The following ATP2A2 variants were observed in gnomAD, a reference collection of about 807,000 sequenced individuals.
The protein encoded by ATP2A2 is ATPase sarcoplasmic/endoplasmic reticulum Ca2+ transporting 2.
Under a neutral mutation model 109.3 loss-of-function variants are expected in ATP2A2, and 14 were observed. That is an observed-to-expected ratio of 0.13 (90% CI 0.08 to 0.20). The LOEUF (loss-of-function observed/expected upper bound fraction) is 0.20, where lower values mean the gene tolerates loss of function less well. Among genes scored for constraint, ATP2A2 ranks in the 10% least tolerant of loss-of-function variants. The pLI is 1.00. For synonymous variants in ATP2A2, 506 were observed against 490.9 expected, an observed-to-expected ratio of 1.03 and a Z score of -0.41; for missense variants, 657 against 1,321.6, an observed-to-expected ratio of 0.50 and a Z score of 7.80.
rs527779971 is a variant in ATP2A2 at position 110,342,399 on chromosome 12, A to C, written c.2269A>C (p.Lys757Gln). The stretch of plus-strand genomic sequence containing the variant: ...GGGGCGGGCAATCTACAACAACATG[A>C]AACAGTTCATCCGCTACCTCATCTC... ...EEGRAIYNNM[K>Q]QFIRYLISSN... The change falls in exon 15 of 20, where the codon AAA becomes CAA. Residue 757 changes from lysine to glutamine, a missense_variant. By Grantham distance (53) the Lys-to-Gln change is moderately conservative. Transcript: ENST00000539276. The surrounding 1 kb of genome is among the most constrained non-coding windows in gnomAD (Gnocchi z 4.6). 6.2e-7 allele frequency: 1 copy of C among 1,614,080 alleles called. No homozygotes were observed. The highest frequency in any genetic ancestry group is 1.1e-5 in the South Asian group (1 of 91,078).
intron 4 of ATP2A2, 173 bp from the exon 5 acceptor site, chr12:110,296,426 A>C: frequency 2.3e-6 from 2 of 874,150 alleles, no homozygotes; most frequent in Non-Finnish European, 3.6e-6. Flanking sequence ...TTTTAATACA[A>C]ATTAATAAAT....
At position 110,292,170 on chromosome 12, in the gene ATP2A2, G is replaced by A. The variant is rs778766673; in HGVS notation, c.324+46G>A. ...TGCAAAATTTCAATAAGTTATGTAA[G>A]TGATTAGGGCTGTATTAATCTTTCT... On this transcript the variant is annotated intron_variant, in intron 4 of 19. Transcript: ENST00000539276. The A allele has an allele frequency of 1.2e-5, 16 of 1,309,176 alleles. No individual in the cohort carries two copies. In the South Asian group the frequency reaches 1.8e-4, roughly 14 times the overall value. 81.1% of individuals were successfully genotyped at this position (1,309,176 alleles called of 1,614,324 possible).
At chr12:110,282,538 G>A in intron 1 of ATP2A2, 66 bp from the exon 2 acceptor site, 1 of 1,577,846 alleles carries the variant, frequency 6.3e-7, no homozygotes, top group Non-Finnish European at 8.7e-7. Flanking sequence ...GTGCTAAAAT[G>A]TCTCTCTCTT....
At chr12:110,299,724 AT>A (rs1370291757) in intron 5 of ATP2A2, among the ~76,000 whole-genome samples, 1 of 152,116 alleles carries the variant, frequency 6.6e-6, no homozygotes, top group Non-Finnish European at 1.5e-5. Flanking sequence ...GGCTCAAGTG[AT>A]TCTCCCACCT....
chr12:110,307,635 G>A (rs1321498450), intron 5 of ATP2A2, among the ~76,000 whole-genome samples: 1 of 152,068 alleles, frequency 6.6e-6, no homozygotes, highest in Non-Finnish European at 1.5e-5. Context: ...TTGACTACTT[G>A]ATTGTTGTCT....
intron 3 of ATP2A2, among the ~76,000 whole-genome samples, chr12:110,287,611 A>G (rs921714307): frequency 1.3e-5 from 2 of 152,008 alleles, no homozygotes. Context: ...GAAGCTTGTT[A>G]CCTTTTCGCT....
chr12:110,343,074 A>G (rs1209276623), intron 15 of ATP2A2, among the ~76,000 whole-genome samples, 158 bp from the exon 16 acceptor site: 1 of 152,164 alleles, frequency 6.6e-6, no homozygotes, highest in Non-Finnish European at 1.5e-5. Context: ...AACTAAGTAA[A>G]ATTGAGCTTT....
rs1297408200 is a variant in ATP2A2, at chr12:110,342,431, C to T, written c.2301C>T (p.Asn767=). 10 of 1,613,740 alleles carry T rather than the reference C, an allele frequency of 6.2e-6. No homozygotes were observed. Among genetic ancestry groups the T allele is most frequent in the African/African-American group, 2.7e-5 (2 of 75,028 alleles). Residue 767 remains asparagine (N), a synonymous_variant, in exon 15 of 20, where the codon AAC becomes AAT. Transcript: ENST00000539276. This position sits in a 1 kb window ranked among gnomAD's most constrained non-coding sequence, Gnocchi z 4.6. ...TCATCCGCTACCTCATCTCGTCCAA[C>T]GTCGGGGAAGTTGTCTGGTAGGTCT... ...KQFIRYLISS[N]VGEVVCIFLT... is the part of the protein sequence containing the mutation.
In ATP2A2 at chr12:110,346,509, A is replaced by ATTAAT; in HGVS notation, c.*42_*46dup. The ATTAAT allele has an allele frequency of 1.8e-5, 29 of 1,612,884 alleles. No individual in the cohort carries two copies. The highest frequency in any genetic ancestry group is 2.5e-5 in the Non-Finnish European group (29 of 1,179,448). On this transcript the variant is annotated 3_prime_UTR_variant, in exon 20 of 20. Transcript: ENST00000539276. ...ATAAAGAAGATGTTTAACTTAATCA[A>ATTAAT]TTAATTTTTTTATTGTTTAAAGCAA...
chr12:110,349,761 A>G lies in ATP2A2; in HGVS notation c.*3291A>G, dbSNP rs929519937. On this transcript the variant is annotated 3_prime_UTR_variant, in exon 20 of 20. Coordinates refer to ENST00000539276, the MANE Select transcript of ATP2A2 (RefSeq NM_170665.4). ...CAGTTGCCCTGTGACTGTAACCACC[A>G]AATTGTCCAAACACCCGCTGCAGTT... The G allele has an allele frequency of 5.2e-5, 53 of 1,016,366 alleles. No individual in the cohort carries two copies. Among genetic ancestry groups the G allele is most frequent in the Non-Finnish European group, 5.9e-5 (50 of 847,518 alleles). The allele number at this position is 1,016,366 out of a possible 1,614,324, so 63.0% of individuals were successfully genotyped here.
Position 110,343,282 on chromosome 12 carries a change from A to G in ATP2A2, c.2369A>G (p.Gln790Arg). 1 of 1,614,088 alleles carries G rather than the reference A, an allele frequency of 6.2e-7. No homozygotes were observed. The highest frequency in any genetic ancestry group is 8.5e-7 in the Non-Finnish European group (1 of 1,180,028). ...LGFPEALIPV[Q>R]LLWVNLVTDG... ...TTTCCCGAGGCTTTGATTCCTGTTC[A>G]GCTGCTCTGGGTCAATCTGGTGACA... is the stretch of plus-strand genomic sequence containing the variant. The change falls in exon 16 of 20, where the codon CAG (glutamine) becomes CGG (arginine). Residue 790 changes from glutamine to arginine, a missense_variant. Around this residue, in one of 9 missense-constraint regions of ATP2A2, gnomAD observed 50 missense variants for 176.9 expected, o/e 0.28. Transcript: ENST00000539276.
At chr12:110,308,308 G>A (rs1875603449) in intron 5 of ATP2A2, among the ~76,000 whole-genome samples, 1 of 152,238 alleles carries the variant, frequency 6.6e-6, no homozygotes, top group Non-Finnish European at 1.5e-5. Context: ...GTAGGGGAAA[G>A]CATCCAGTCC....
chr12:110,287,205 A>C (rs947735547), intron 3 of ATP2A2, among the ~76,000 whole-genome samples: 1 of 152,114 alleles, frequency 6.6e-6, no homozygotes, highest in Non-Finnish European at 1.5e-5. Flanking sequence ...GTGAGCCGAG[A>C]TTGCGCCACT....
At chr12:110,282,914 C>CT (rs1334714017) in intron 3 of ATP2A2, 119 bp downstream of exon 3, 1 of 905,396 alleles carries the variant, frequency 1.1e-6, no homozygotes, top group African/African-American at 1.7e-5. Context: ...AGCTGTGTCT[C>CT]TATGTTTAAA....
intron 4 of ATP2A2, chr12:110,296,296 CAG>C (rs1357188281): frequency 2.7e-6 from 1 of 376,222 alleles, no homozygotes; most frequent in Non-Finnish European, 5.0e-6. Context: ...TTTTAAATGG[CAG>C]GGGGATTTGG....
At chr12:110,323,999 C>T (rs1365424892) in intron 6 of ATP2A2, among the ~76,000 whole-genome samples, 1 of 151,998 alleles carries the variant, frequency 6.6e-6, no homozygotes, top group Non-Finnish European at 1.5e-5. Flanking sequence ...AAGTTAGCCC[C>T]CATAAGAGAT....
intron 4 of ATP2A2, among the ~76,000 whole-genome samples, chr12:110,292,564 C>T (rs1244695901): frequency 2.0e-5 from 3 of 152,146 alleles, no homozygotes; most frequent in African/African-American, 4.8e-5. Context: ...CCACCATGCC[C>T]GGCCTATTAA....
intron 14 of ATP2A2, 64 bp downstream of exon 14, chr12:110,341,058 T>A (rs1474550414): frequency 6.4e-7 from 1 of 1,567,566 alleles, no homozygotes; most frequent in Admixed American, 1.8e-5. Context: ...CCTCTAATTT[T>A]GACCACTGAA....
At chr12:110,302,148 C>A (rs905668513) in intron 5 of ATP2A2, among the ~76,000 whole-genome samples, 2 of 152,086 alleles carry the variant, frequency 1.3e-5, no homozygotes, top group African/African-American at 2.4e-5. Context: ...TATAAACTTA[C>A]CCATTTTAAC....
Sources: gnomAD v4.1 joint callset for allele counts (sites outside exome capture counted in the v4.1 genomes callset) on GRCh38, gnomAD v4.1.1 for gene constraint, gnomAD v4.1.1 regional missense constraint, Gnocchi (gnomAD v3.1) non-coding constraint, MANE v1.5 for transcripts, NCBI Gene and HGNC (gene_info 2026-07-23, HGNC 2026-07-21) for gene names.